The following KDM6A variants were observed in gnomAD, a reference collection of about 807,000 sequenced individuals.
KDM6A encodes lysine-specific demethylase 6A.
KDM6A carries 11 observed loss-of-function variants against 117.6 expected under a neutral mutation model. The ratio of observed to expected loss-of-function variants is 0.09; its 90% confidence interval spans 0.06 to 0.15. The LOEUF is 0.15. Among genes scored for constraint, KDM6A ranks in the 10% least tolerant of loss-of-function variants. KDM6A has a pLI of 1.00. For missense variants in KDM6A, 799 were observed against 1,077.3 expected (o/e 0.74, Z 3.62); for synonymous variants, 384 against 396.1 (o/e 0.97, Z 0.36).
chrX:44,945,339 A>G (rs1028964053), intron 2 of KDM6A, among the ~76,000 whole-genome samples: 4 of 111,463 alleles, frequency 3.6e-5, no homozygotes, highest in South Asian at 7.4e-4. Context: ...CTGATATTCA[A>G]TGTCTAAAAT....
chrX:44,996,291 T>G (rs2040859001), intron 4 of KDM6A, among the ~76,000 whole-genome samples: 1 of 109,508 alleles, frequency 9.1e-6, no homozygotes, highest in Non-Finnish European at 1.9e-5. Context: ...CCCAGGCTGG[T>G]CTCGAACTCC....
intron 2 of KDM6A, among the ~76,000 whole-genome samples, chrX:44,877,535 GT>G (rs781316436): frequency 1.2e-3 from 119 of 99,745 alleles, no homozygotes; most frequent in African/African-American, 2.6e-3. Flanking sequence ...AACCTTTTGG[GT>G]TTTTTTTTTT....
At chrX:45,082,811 T>C (rs778823097) in intron 23 of KDM6A, 22 bp downstream of exon 23, 59 of 985,362 alleles carry the variant, frequency 6.0e-5, no homozygotes, top group Non-Finnish European at 8.0e-5. Flanking sequence ...TAGTAATATT[T>C]CTGTGAACTG....
At chrX:44,972,326 A>G (rs1343536316) in intron 3 of KDM6A, among the ~76,000 whole-genome samples, 1 of 110,833 alleles carries the variant, frequency 9.0e-6, no homozygotes, top group African/African-American at 3.3e-5. Context: ...CTCCAGTTGC[A>G]TCCTCCTCCC....
rs2038466764 is a variant in KDM6A, at chrX:44,958,414, C to A, written c.226-2870C>A. Among the ~76,000 whole-genome samples, 3 of 109,530 alleles carry A rather than the reference C, an allele frequency of 2.7e-5. No homozygotes were observed. In the South Asian group the frequency reaches 1.2e-3, roughly 43 times the overall value. ...AGCCAGGATGGTCTCCATCTCCTGA[C>A]CTTGTGATCCGCCTGCCTCAGCCTC... On this transcript the variant is annotated intron_variant, in intron 2 of 29. Transcript: ENST00000611820.
In KDM6A at chrX:45,062,580, G is replaced by T. The variant is rs2044346712; in HGVS notation, c.1582-67G>T. ...AGTTTAGTCATTTCAGGGAAAGGTT[G>T]CTTAGAATAATGATCTTATTTCCTA... is the stretch of plus-strand genomic sequence containing the variant. On this transcript the variant is annotated intron_variant, in intron 15 of 29. Coordinates refer to ENST00000611820, the MANE Select transcript of KDM6A (RefSeq NM_001291415.2). 38 of 820,882 alleles carry T rather than the reference G, an allele frequency of 4.6e-5. No individual in the cohort carries two copies. The South Asian group carries it at 7.7e-4, about 17-fold the overall frequency. The allele number at this position is 820,882 out of a possible 1,213,427, so 67.6% of individuals were successfully genotyped here.
intron 27 of KDM6A, among the ~76,000 whole-genome samples, chrX:45,096,855 T>TA (rs2046130075): frequency 9.0e-6 from 1 of 111,365 alleles, no homozygotes. Context: ...GCAATCCCAT[T>TA]ACTGAGTATA....
At chrX:44,944,871 T>G (rs950840258) in intron 2 of KDM6A, among the ~76,000 whole-genome samples, 2 of 111,405 alleles carry the variant, frequency 1.8e-5, no homozygotes, top group Non-Finnish European at 3.8e-5. Flanking sequence ...TTGAGAAAAA[T>G]GTCTTATAAT....
intron 2 of KDM6A, among the ~76,000 whole-genome samples, chrX:44,941,869 A>C (rs2037346274): frequency 9.0e-6 from 1 of 110,553 alleles, no homozygotes; most frequent in Non-Finnish European, 1.9e-5. Flanking sequence ...TTCTTACTGC[A>C]TCACTGACCT....
At chrX:44,992,553 G>A (rs2040668016) in intron 4 of KDM6A, among the ~76,000 whole-genome samples, 1 of 106,011 alleles carries the variant, frequency 9.4e-6, no homozygotes, top group Admixed American at 1.0e-4. Flanking sequence ...CTTCAAAGAT[G>A]CACTTTTTTT....
intron 4 of KDM6A, among the ~76,000 whole-genome samples, chrX:44,994,201 C>G (rs1183672773): frequency 8.9e-6 from 1 of 112,108 alleles, no homozygotes; most frequent in Non-Finnish European, 1.9e-5. Context: ...TTATTCTTGT[C>G]TAAGTGAAAC....
chrX:44,947,598 G>A (rs762753273), intron 2 of KDM6A, among the ~76,000 whole-genome samples: 2 of 109,908 alleles, frequency 1.8e-5, no homozygotes, highest in Admixed American at 9.7e-5. Context: ...GGATGGTCTC[G>A]ATCTCCTGAC....
At chrX:44,905,436 C>A (rs1338612705) in intron 2 of KDM6A, among the ~76,000 whole-genome samples, 1 of 112,135 alleles carries the variant, frequency 8.9e-6, no homozygotes, top group Non-Finnish European at 1.9e-5. Flanking sequence ...GTAGGATATA[C>A]CATCTAGGTT....
chrX:44,900,406 C>T (rs2034253663), intron 2 of KDM6A, among the ~76,000 whole-genome samples: 1 of 111,892 alleles, frequency 8.9e-6, no homozygotes, highest in African/African-American at 3.3e-5. Context: ...CAGCAATGTA[C>T]ATGTAGTAAA....
intron 2 of KDM6A, among the ~76,000 whole-genome samples, chrX:44,895,164 G>A (rs2033727901): frequency 9.3e-6 from 1 of 107,558 alleles, no homozygotes; most frequent in Non-Finnish European, 1.9e-5. Context: ...GGAGTGCAGT[G>A]GCACGATCTC....
At chrX:44,957,544 A>G (rs778184220) in intron 2 of KDM6A, among the ~76,000 whole-genome samples, 1 of 112,292 alleles carries the variant, frequency 8.9e-6, no homozygotes, top group Admixed American at 9.5e-5. Context: ...TGCAGCAGAT[A>G]CCAAGCACAA....
intron 4 of KDM6A, among the ~76,000 whole-genome samples, chrX:44,987,426 A>G (rs776961508): frequency 9.0e-6 from 1 of 111,413 alleles, no homozygotes; most frequent in Non-Finnish European, 1.9e-5. Context: ...TAATATTATT[A>G]TGTGTGAATC....
chrX:44,990,553 C>CATAAATAAATAAATAA (rs373439965), intron 4 of KDM6A, among the ~76,000 whole-genome samples: 1,638 of 93,818 alleles, frequency 0.017, 21 homozygotes, highest in East Asian at 0.053. Flanking sequence ...TGTCTCAAAA[C>CATAAATAAATAAATAA]ATAAATAAAT....
intron 4 of KDM6A, among the ~76,000 whole-genome samples, chrX:44,994,744 C>G (rs2040784275): frequency 1.8e-5 from 2 of 111,546 alleles, no homozygotes; most frequent in South Asian, 7.5e-4. Flanking sequence ...GGTTCTTTCC[C>G]TGACACACCT....
Sources: allele counts gnomAD v4.1 joint callset (sites outside exome capture counted in the v4.1 genomes callset), GRCh38; gene constraint gnomAD v4.1.1; transcripts MANE v1.5; gene names NCBI Gene and HGNC (gene_info 2026-07-23, HGNC 2026-07-21).